Variants in SLC4A10 observed in about 807,000 individuals in gnomAD.
SLC4A10 encodes the protein solute carrier family 4 member 10, also known as sodium-driven chloride bicarbonate exchanger.
In SLC4A10, 42 loss-of-function variants were observed where a neutral mutation model predicts 137.7. That is an observed-to-expected ratio of 0.30 (90% CI 0.24 to 0.39). SLC4A10 has a LOEUF of 0.39. Among genes scored for constraint, SLC4A10 ranks in the 10% least tolerant of loss-of-function variants. The probability of loss-of-function intolerance (pLI) is 1.00; values close to 1 mark genes in which losing one functional copy is unlikely to be tolerated. For missense variants in SLC4A10, 925 were observed against 1,355.0 expected, an observed-to-expected ratio of 0.68 and a Z score of 4.98; for synonymous variants, 474 against 464.1, an observed-to-expected ratio of 1.02 and a Z score of -0.27.
chr2:161,973,500 A>G (rs999844540), intron 23 of SLC4A10, among the ~76,000 whole-genome samples: 1 of 152,234 alleles, frequency 6.6e-6, no homozygotes, highest in African/African-American at 2.4e-5. Flanking sequence ...CCTTTGAGGA[A>G]AGATGGAATA....
chr2:161,870,097 T>C (rs986590739), intron 6 of SLC4A10, among the ~76,000 whole-genome samples: 2 of 151,132 alleles, frequency 1.3e-5, no homozygotes, highest in Non-Finnish European at 3.0e-5. Flanking sequence ...TGTTCTTGTT[T>C]TAGAACAAGA....
intron 2 of SLC4A10, among the ~76,000 whole-genome samples, chr2:161,790,639 A>G (rs1453293737): frequency 6.6e-6 from 1 of 152,186 alleles, no homozygotes. Flanking sequence ...TTTATTTCAG[A>G]AAATACAGCC....
intron 1 of SLC4A10, among the ~76,000 whole-genome samples, chr2:161,681,947 A>G (rs1262144770): frequency 1.3e-5 from 2 of 152,070 alleles, no homozygotes; most frequent in Non-Finnish European, 2.9e-5. Context: ...TACTTTTTTT[A>G]AAGTACAGTA....
At chr2:161,937,749 T>C (rs1026003192) in intron 15 of SLC4A10, among the ~76,000 whole-genome samples, 3 of 152,198 alleles carry the variant, frequency 2.0e-5, no homozygotes, top group African/African-American at 7.2e-5. Flanking sequence ...TTGTGCAGAA[T>C]GCCTAGATGC....
chr2:161,976,856 G>T lies in SLC4A10; in HGVS notation c.3324G>T (p.Glu1108Asp). Reference sequence around the variant, plus strand: ...CTGCCGATAACTCAAAAGATAAGGAGTCAAGCTTTCCTTCCAAAAGGTTTG... The same window carrying T: ...CTGCCGATAACTCAAAAGATAAGGATTCAAGCTTTCCTTCCAAAAGGTTTG... ...LITADNSKDK[E>D]SSFPSKSSPS The change falls in exon 25 of 27, where the codon GAG becomes GAT. Residue 1108 changes from glutamate to aspartate, a missense_variant. Transcript: ENST00000446997. 6.3e-7 allele frequency: 1 copy of T among 1,590,426 alleles called. No homozygotes were observed. The highest frequency in any genetic ancestry group is 1.2e-5 in the South Asian group (1 of 85,526).
intron 3 of SLC4A10, among the ~76,000 whole-genome samples, chr2:161,815,947 G>C (rs1331655468): frequency 6.6e-6 from 1 of 152,046 alleles, no homozygotes; most frequent in Non-Finnish European, 1.5e-5. Context: ...TGGTTTATCA[G>C]TGACAAATGT....
chr2:161,700,810 C>A (rs2043046208), intron 1 of SLC4A10, among the ~76,000 whole-genome samples: 1 of 152,068 alleles, frequency 6.6e-6, no homozygotes, highest in Admixed American at 6.6e-5. Context: ...TTTTATATAA[C>A]AGGTTCTGCT....
chr2:161,691,968 A>T (rs182780038), intron 1 of SLC4A10, among the ~76,000 whole-genome samples: 1 of 152,282 alleles, frequency 6.6e-6, no homozygotes, highest in African/African-American at 2.4e-5. Context: ...AAAGGTGTCC[A>T]TGTGAAGTAG....
chr2:161,721,243 T>C (rs142342841), intron 1 of SLC4A10, among the ~76,000 whole-genome samples: 3 of 152,326 alleles, frequency 2.0e-5, no homozygotes, highest in Non-Finnish European at 4.4e-5. Context: ...GCTAGTTATT[T>C]TGTAGATTTG....
In SLC4A10 at chr2:161,974,254, A is replaced by G. The variant is rs1215356522; in HGVS notation, c.3165A>G (p.Glu1055=). Reference sequence around the variant, plus strand: ...CTTTACATTTGTCTTTTCAGGAAGAACAAAGTATGCTAGCTATGGAAGATG... The same window carrying G: ...CTTTACATTTGTCTTTTCAGGAAGAGCAAAGTATGCTAGCTATGGAAGATG... ...KKLEDAEKEE[E]QSMLAMEDEG... The change falls in exon 24 of 27, where the codon GAA becomes GAG. Residue 1055 remains glutamate, a synonymous_variant. Coordinates refer to ENST00000446997, the MANE Select transcript of SLC4A10 (RefSeq NM_001178015.2). 1.2e-6 allele frequency: 2 copies of G among 1,605,466 alleles called. No individual in the cohort carries two copies. The highest frequency in any genetic ancestry group is 1.7e-5 in the Admixed American group (1 of 58,888).
intron 1 of SLC4A10, among the ~76,000 whole-genome samples, chr2:161,695,724 A>T (rs1022031068): frequency 1.3e-4 from 20 of 152,122 alleles, no homozygotes; most frequent in Non-Finnish European, 2.1e-4. Flanking sequence ...GTTCAAAATT[A>T]TTATAGCTCT....
At chr2:161,894,877 AATGC>A in intron 11 of SLC4A10, 52 bp downstream of exon 11, 1 of 1,119,434 alleles carries the variant, frequency 8.9e-7, no homozygotes, top group East Asian at 3.2e-5. Flanking sequence ...TTGTCTTTTA[AATGC>A]ATGTTTTATT....
At chr2:161,766,934 T>C (rs1223604953) in intron 1 of SLC4A10, among the ~76,000 whole-genome samples, 1 of 151,164 alleles carries the variant, frequency 6.6e-6, no homozygotes, top group African/African-American at 2.4e-5. Context: ...GACCACAGGC[T>C]AAAAAACATA....
At chr2:161,957,380 A>G in intron 20 of SLC4A10, 140 bp downstream of exon 20, 1 of 1,012,324 alleles carries the variant, frequency 9.9e-7, no homozygotes, top group Non-Finnish European at 1.4e-6. Context: ...CCATGTTTAT[A>G]TAATTCTTCA....
Position 161,983,285 on chromosome 2 carries a change from G to A in SLC4A10, c.*133G>A, listed in dbSNP as rs1700473947. The A allele has an allele frequency of 2.7e-6, 4 of 1,504,092 alleles. No individual in the cohort carries two copies. In the South Asian group the frequency reaches 3.6e-5, roughly 14 times the overall value. 93.2% of individuals were successfully genotyped at this position (1,504,092 alleles called of 1,614,324 possible). On this transcript the variant is annotated 3_prime_UTR_variant, in exon 27 of 27. Transcript: ENST00000446997. ...TATTTTTTACATATATATGAGAAGA[G>A]TGTCACAATTATTAATAAAACTGCT... is the stretch of plus-strand genomic sequence containing the variant.
At chr2:161,691,447 A>G (rs1173820531) in intron 1 of SLC4A10, among the ~76,000 whole-genome samples, 3 of 152,058 alleles carry the variant, frequency 2.0e-5, no homozygotes, top group African/African-American at 7.2e-5. Flanking sequence ...TAAATCCTTA[A>G]AAAATAACTA....
chr2:161,811,236 T>C (rs1256431183), intron 3 of SLC4A10, among the ~76,000 whole-genome samples: 1 of 152,040 alleles, frequency 6.6e-6, no homozygotes, highest in Non-Finnish European at 1.5e-5. Flanking sequence ...TTTTTGATTG[T>C]GCTTATTTGG....
intron 10 of SLC4A10, among the ~76,000 whole-genome samples, chr2:161,887,812 G>C (rs2062471809): frequency 6.6e-6 from 1 of 152,118 alleles, no homozygotes; most frequent in Non-Finnish European, 1.5e-5. Flanking sequence ...AGTTTAATTA[G>C]CTCCCATTTG....
chr2:161,941,851 A>G (rs1252118646), intron 15 of SLC4A10, among the ~76,000 whole-genome samples: 1 of 152,164 alleles, frequency 6.6e-6, no homozygotes, highest in Non-Finnish European at 1.5e-5. Flanking sequence ...CTCAGTTTTT[A>G]AGGTTTCTCT....
Sources: allele counts gnomAD v4.1 joint callset (sites outside exome capture counted in the v4.1 genomes callset), GRCh38; gene constraint gnomAD v4.1.1; transcripts MANE v1.5; gene names NCBI Gene and HGNC (gene_info 2026-07-23, HGNC 2026-07-21).